CTRB1: variants seen among roughly 807,000 people sequenced by gnomAD.
CTRB1 encodes the protein chymotrypsinogen B.
Under a neutral mutation model 20.4 loss-of-function variants are expected in CTRB1, and 15 were observed. The observed-to-expected ratio is 0.74, with a 90% confidence interval of 0.49 to 1.13. The LOEUF is 1.13. Ranked by LOEUF, CTRB1 falls within the 50% of genes most tolerant of loss-of-function variation. The probability of loss-of-function intolerance (pLI) is 0.00; values close to 1 mark genes in which losing one functional copy is unlikely to be tolerated. For synonymous variants in CTRB1, 92 were observed against 128.4 expected (o/e 0.72, Z 1.92); for missense variants, 227 against 290.1 (o/e 0.78, Z 1.58).
chr16:75,222,773 G>A lies in CTRB1; in HGVS notation c.58G>A (p.Gly20Arg), dbSNP rs1433740760. 1.1e-5 allele frequency: 17 copies of A among 1,556,570 alleles called. No individual in the cohort carries two copies. Among genetic ancestry groups the A allele is most frequent in the African/African-American group, 5.4e-5 (4 of 73,474 alleles). The change falls in exon 2 of 7, where the codon GGG (glycine) becomes AGG (arginine). Residue 20 changes from glycine (G) to arginine (R), a missense_variant. Gly to Arg is a moderately radical substitution (Grantham distance 125, BLOSUM62 -2). Coordinates refer to ENST00000361017, the MANE Select transcript of CTRB1 (RefSeq NM_001906.6). ...TTCACCCCACTCCCCCCCAGGCTGC[G>A]GGGTCCCCGCCATCCACCCTGTGCT... is the stretch of plus-strand genomic sequence containing the variant. ...FSLVGAAFGC[G>R]VPAIHPVLSG...
At chr16:75,221,197 T>A (rs1382644390) in intron 1 of CTRB1, among the ~76,000 whole-genome samples, 1 of 152,076 alleles carries the variant, frequency 6.6e-6, no homozygotes, top group Non-Finnish European at 1.5e-5. Context: ...TGCTCAAATG[T>A]AAAGCCCAGT....
chr16:75,220,459 C>G (rs533265940), intron 1 of CTRB1, among the ~76,000 whole-genome samples: 1 of 152,322 alleles, frequency 6.6e-6, no homozygotes, highest in Non-Finnish European at 1.5e-5. Context: ...GATGGGATTA[C>G]AGGCGTGAGC....
chr16:75,222,652 G>C lies in CTRB1; in HGVS notation c.53-116G>C, dbSNP rs144816228. 5,546 of 1,160,424 alleles carry C rather than the reference G, an allele frequency of 4.8e-3. 31 individuals are homozygous for C. Among genetic ancestry groups the C allele is most frequent in the Middle Eastern group, 0.035 (128 of 3,612 alleles). The allele number at this position is 1,160,424 out of a possible 1,614,324, so 71.9% of individuals were successfully genotyped here. Reference sequence around the variant, plus strand: ...AGGGAGGCGGAGGCGGCATGTGCCAGGGAGGTCCTGAGCTGGCTTCAGTGG... The same window carrying C: ...AGGGAGGCGGAGGCGGCATGTGCCACGGAGGTCCTGAGCTGGCTTCAGTGG... On this transcript the variant is annotated intron_variant, in intron 1 of 6. Transcript: ENST00000361017.
intron 1 of CTRB1, among the ~76,000 whole-genome samples, chr16:75,221,378 G>A (rs1214579021): frequency 6.6e-6 from 1 of 151,838 alleles, no homozygotes; most frequent in Non-Finnish European, 1.5e-5. Flanking sequence ...ATTTTTTCTT[G>A]AGATGGAGTT....
intron 1 of CTRB1, among the ~76,000 whole-genome samples, chr16:75,219,514 C>T (rs770395995): frequency 6.6e-6 from 1 of 151,938 alleles, no homozygotes; most frequent in African/African-American, 2.4e-5. Flanking sequence ...GCCTCAGCTT[C>T]CCGAGCAGCT....
rs765763287 is a variant in CTRB1 at position 75,224,179 on chromosome 16, C to T, written c.621C>T (p.Ser207=). Residue 207 remains serine (S), a synonymous_variant, in exon 6 of 7, where the codon TCC becomes TCT. Coordinates refer to ENST00000361017, the MANE Select transcript of CTRB1 (RefSeq NM_001906.6). ...TCTGTGCCGGGGCCAGTGGCGTCTC[C>T]TCCTGCATGGTGAGGCTGGCCCTGC... ...VMICAGASGV[S]SCMGDSGGPL... 2 of 1,476,484 alleles carry T rather than the reference C, an allele frequency of 1.4e-6. No individual in the cohort carries two copies. The highest frequency in any genetic ancestry group is 2.5e-5 in the Admixed American group (1 of 40,728). The allele number at this position is 1,476,484 out of a possible 1,614,324, so 91.5% of individuals were successfully genotyped here. A position where few individuals can be genotyped will look rare whatever the true frequency, so the allele number is the denominator to read the frequency against.
chr16:75,219,349 G>A (rs1378072438), intron 1 of CTRB1, among the ~76,000 whole-genome samples: 1 of 152,018 alleles, frequency 6.6e-6, no homozygotes, highest in Non-Finnish European at 1.5e-5. Context: ...CTCCACCGGG[G>A]TTTTTATTGT....
intron 1 of CTRB1, among the ~76,000 whole-genome samples, chr16:75,219,993 G>GT (rs1475726861): frequency 1.1e-5 from 1 of 95,156 alleles, no homozygotes; most frequent in Non-Finnish European, 2.2e-5. Flanking sequence ...TTTGGTTTTG[G>GT]TTTTGGTTTT....
Position 75,224,173 on chromosome 16 carries a change from C to T in CTRB1, c.615C>T (p.Gly205=), listed in dbSNP as rs2076715209. Residue 205 remains glycine (G), a synonymous_variant, in exon 6 of 7, where the codon GGC becomes GGT. Coordinates refer to ENST00000361017, the MANE Select transcript of CTRB1 (RefSeq NM_001906.6). Reference sequence around the variant, plus strand: ...TGATGATCTGTGCCGGGGCCAGTGGCGTCTCCTCCTGCATGGTGAGGCTGG... The same window carrying T: ...TGATGATCTGTGCCGGGGCCAGTGGTGTCTCCTCCTGCATGGTGAGGCTGG... ...TDVMICAGAS[G]VSSCMGDSGG... The T allele has an allele frequency of 4.7e-6, 7 of 1,478,148 alleles. No homozygotes were observed. The highest frequency in any genetic ancestry group is 2.4e-5 in the Admixed American group (1 of 41,806). The allele number at this position is 1,478,148 out of a possible 1,614,324, so 91.6% of individuals were successfully genotyped here.
In CTRB1 at chr16:75,224,619, CTGGACTCTGGGAACAATGTCCAG is replaced by C. The variant is rs1197407936; in HGVS notation, c.631-82_631-60del. The C allele has an allele frequency of 2.3e-5, 34 of 1,452,212 alleles. 2 individuals carry two copies. In the Admixed American group the frequency reaches 2.6e-4, roughly 11 times the overall value. The allele number at this position is 1,452,212 out of a possible 1,614,324, so 90.0% of individuals were successfully genotyped here. On this transcript the variant is annotated intron_variant, in intron 6 of 6. Coordinates refer to ENST00000361017, the MANE Select transcript of CTRB1 (RefSeq NM_001906.6). ...CCTTTGCTGTGTGTGGGGTCCTGGA[CTGGACTCTGGGAACAATGTCCAG>C]TGGCCCCTGGGACCAGTCTGTCTCG...
In CTRB1 at chr16:75,219,011, G is replaced by A. The variant is rs752786930; in HGVS notation, c.4G>A (p.Ala2Thr). Residue 2 changes from alanine (A) to threonine (T), a missense_variant, in exon 1 of 7, where the codon GCT becomes ACT. By Grantham distance (58) the Ala-to-Thr change is moderately conservative. This residue lies in a region of CTRB1 where 71 missense variants were observed against 69.1 expected (regional missense o/e 1.03). Transcript: ENST00000361017. M[A>T]SLWLLSCFSL... ...CCACACCTTCTGAGGCAGCGGCATG[G>A]CTTCCCTCTGGCTCCTCTCCTGCTT... 1.6e-5 allele frequency: 25 copies of A among 1,587,850 alleles called. No homozygotes were observed. Among genetic ancestry groups the A allele is most frequent in the Non-Finnish European group, 2.1e-5 (25 of 1,168,668 alleles).
chr16:75,221,729 T>C (rs953423826), intron 1 of CTRB1, among the ~76,000 whole-genome samples: 4 of 144,530 alleles, frequency 2.8e-5, no homozygotes, highest in African/African-American at 7.4e-5. Context: ...TCTCAGCATG[T>C]TGGGAGATCA....
At chr16:75,220,872 C>CCT (rs2039073486) in intron 1 of CTRB1, among the ~76,000 whole-genome samples, 1 of 152,154 alleles carries the variant, frequency 6.6e-6, no homozygotes, top group African/African-American at 2.4e-5. Context: ...ATTTCTCCTG[C>CCT]CTCAGCCTCC....
intron 1 of CTRB1, among the ~76,000 whole-genome samples, chr16:75,222,284 AT>A (rs2039098012): frequency 6.6e-6 from 1 of 152,088 alleles, no homozygotes; most frequent in Non-Finnish European, 1.5e-5. Context: ...AGAGCCCCAG[AT>A]TCCTGGTGGA....
rs1186141081 is a variant in CTRB1 at position 75,224,880 on chromosome 16, T to C, written c.*14T>C. The C allele has an allele frequency of 6.2e-7, 1 of 1,612,904 alleles. No individual in the cohort carries two copies. The highest frequency in any genetic ancestry group is 1.3e-5 in the African/African-American group (1 of 74,920). ...GCTGCCAACTGAGCCCGCGGCTCCC[T>C]CCGACCCTGCTCCCCACAGAGCCTC... On this transcript the variant is annotated 3_prime_UTR_variant, in exon 7 of 7. Coordinates refer to ENST00000361017, the MANE Select transcript of CTRB1 (RefSeq NM_001906.6).
chr16:75,220,769 A>T (rs199691827), intron 1 of CTRB1, among the ~76,000 whole-genome samples: 2 of 100,036 alleles, frequency 2.0e-5, no homozygotes, highest in African/African-American at 3.6e-5. Context: ...TTATTTATTT[A>T]TTTTTTTAGA....
chr16:75,220,284 A>G (rs574130244), intron 1 of CTRB1, among the ~76,000 whole-genome samples: 2 of 152,230 alleles, frequency 1.3e-5, no homozygotes, highest in Admixed American at 6.5e-5. Flanking sequence ...CCTGGGTTCA[A>G]GCATTTCTCC....
At chr16:75,220,710 T>A (rs1332310512) in intron 1 of CTRB1, among the ~76,000 whole-genome samples, 1 of 152,230 alleles carries the variant, frequency 6.6e-6, no homozygotes, top group African/African-American at 2.4e-5. Context: ...CCTGCATTTT[T>A]ATAATGCGTG....
intron 6 of CTRB1, 21 bp from the exon 7 acceptor site, chr16:75,224,684 C>T: frequency 1.3e-6 from 2 of 1,593,898 alleles, no homozygotes; most frequent in Non-Finnish European, 1.7e-6. Flanking sequence ...AGATCCAAGC[C>T]CCCTTCTCCC....
Sources: gnomAD v4.1 joint callset for allele counts (sites outside exome capture counted in the v4.1 genomes callset) on GRCh38, gnomAD v4.1.1 for gene constraint, gnomAD v4.1.1 regional missense constraint, MANE v1.5 for transcripts, NCBI Gene and HGNC (gene_info 2026-07-23, HGNC 2026-07-21) for gene names.